Variants in RBFOX1 observed in about 807,000 individuals in gnomAD.
RBFOX1 encodes the protein RNA binding fox-1 homolog 1.
Under a neutral mutation model 57.7 loss-of-function variants are expected in RBFOX1, and 8 were observed. The observed-to-expected ratio is 0.14, with a 90% CI of 0.08 to 0.25. The LOEUF (loss-of-function observed/expected upper bound fraction) is 0.25. Ranked by LOEUF, RBFOX1 falls within the 10% of genes least tolerant of loss-of-function variation. RBFOX1 has a pLI of 1.00. For missense variants in RBFOX1, 611 were observed against 548.5 expected (o/e 1.11, Z -1.14); for synonymous variants, 326 against 222.4 (o/e 1.47, Z -4.15).
chr16:5,793,575 C>G (rs563217231), intron 3 of RBFOX1, among the ~76,000 whole-genome samples: 7 of 152,148 alleles, frequency 4.6e-5, no homozygotes, highest in African/African-American at 1.7e-4. Flanking sequence ...CCTCTTCAGC[C>G]CCCAGGCCCC....
chr16:7,423,982 A>T (rs1568818627), intron 4 of RBFOX1, among the ~76,000 whole-genome samples: 1 of 152,198 alleles, frequency 6.6e-6, no homozygotes, highest in Non-Finnish European at 1.5e-5. Flanking sequence ...AGCTAATAGG[A>T]TGGAGAACTA....
At chr16:7,111,280 G>C (rs2064712545) in intron 4 of RBFOX1, among the ~76,000 whole-genome samples, 2 of 152,130 alleles carry the variant, frequency 1.3e-5, no homozygotes, top group Non-Finnish European at 1.5e-5. Flanking sequence ...GTAAAGCTTT[G>C]CTTTTCTTCC....
chr16:7,004,936 G>A (rs1344029109), intron 3 of RBFOX1, among the ~76,000 whole-genome samples: 3 of 152,122 alleles, frequency 2.0e-5, no homozygotes, highest in African/African-American at 7.2e-5. Flanking sequence ...TTGAGGTCAG[G>A]AGTTCGAGAC....
intron 3 of RBFOX1, among the ~76,000 whole-genome samples, chr16:5,843,954 T>G (rs1048659821): frequency 6.6e-6 from 1 of 152,196 alleles, no homozygotes; most frequent in African/African-American, 2.4e-5. Flanking sequence ...TCAGAAGAGT[T>G]TCCCTAGAGG....
chr16:6,831,885 G>C (rs371865726), intron 3 of RBFOX1, among the ~76,000 whole-genome samples: 7 of 152,256 alleles, frequency 4.6e-5, no homozygotes, highest in African/African-American at 1.7e-4. Flanking sequence ...AAAGAAGTAG[G>C]AAAAGCAATG....
At chr16:5,365,741 G>C in intron 1 of RBFOX1, 1 of 444,378 alleles carries the variant, frequency 2.3e-6, no homozygotes, top group Non-Finnish European at 4.4e-6. Context: ...CTCTTGAGCA[G>C]TGGTCATTTA....
At chr16:6,949,564 G>A (rs2080263795) in intron 3 of RBFOX1, among the ~76,000 whole-genome samples, 2 of 127,690 alleles carry the variant, frequency 1.6e-5, no homozygotes, top group South Asian at 5.7e-4. Context: ...TCTTCGGGGT[G>A]TGTCCTCACT....
At chr16:5,766,605 A>G (rs1003939808) in intron 3 of RBFOX1, among the ~76,000 whole-genome samples, 4 of 152,078 alleles carry the variant, frequency 2.6e-5, no homozygotes, top group African/African-American at 9.7e-5. Context: ...CAAACAAACA[A>G]AATGAAAAAC....
In RBFOX1 at chr16:5,247,664, C is replaced by G. The variant is rs535915048; in HGVS notation, c.219+7559C>G. Reference sequence around the variant, plus strand: ...AGTGCATATTGTCTGTGGCTGCTTTCCTGCTACATTGGAGAGTTGAATAGT... The same window carrying G: ...AGTGCATATTGTCTGTGGCTGCTTTGCTGCTACATTGGAGAGTTGAATAGT... On this transcript the variant is annotated intron_variant, in intron 1 of 2. Coordinates refer to the RBFOX1 transcript ENST00000585867. 6.6e-5 allele frequency among the ~76,000 whole-genome samples: 10 copies of G among 152,342 alleles called. No individual in the cohort carries two copies. In the East Asian group the frequency reaches 1.9e-3, roughly 29 times the overall value.
chr16:6,774,664 T>C (rs1326451109), intron 3 of RBFOX1, among the ~76,000 whole-genome samples: 1 of 152,206 alleles, frequency 6.6e-6, no homozygotes, highest in Non-Finnish European at 1.5e-5. Flanking sequence ...ATATAGAGTA[T>C]TCTTGACAGT....
At chr16:5,487,754 AG>A (rs1567153000) in intron 2 of RBFOX1, among the ~76,000 whole-genome samples, 1 of 152,156 alleles carries the variant, frequency 6.6e-6, no homozygotes, top group East Asian at 1.9e-4. Flanking sequence ...GCTTGCCCTC[AG>A]TATGCTCTGC....
At chr16:5,931,421 G>C (rs1319592318) in intron 4 of RBFOX1, among the ~76,000 whole-genome samples, 1 of 152,150 alleles carries the variant, frequency 6.6e-6, no homozygotes, top group African/African-American at 2.4e-5. Context: ...GAGACTTAAA[G>C]TGGGAGAAAA....
chr16:5,632,921 C>G (rs972148356), intron 3 of RBFOX1, among the ~76,000 whole-genome samples: 3 of 147,838 alleles, frequency 2.0e-5, no homozygotes, highest in African/African-American at 7.5e-5. Context: ...GATTCCTGGG[C>G]TTGCAATCTT....
chr16:7,629,415 C>T (rs946152662), intron 10 of RBFOX1, among the ~76,000 whole-genome samples: 2 of 152,144 alleles, frequency 1.3e-5, no homozygotes, highest in African/African-American at 2.4e-5. Flanking sequence ...TCTGCGGGTG[C>T]ACTTGTAAGG....
At chr16:7,709,655 T>G (rs1171765464) in intron 15 of RBFOX1, 13 of 1,519,792 alleles carry the variant, frequency 8.6e-6, no homozygotes, top group East Asian at 7.5e-5. Flanking sequence ...GGGGCACACT[T>G]TGTGTGTGTA....
chr16:6,071,951 A>G (rs1469388640), intron 1 of RBFOX1, among the ~76,000 whole-genome samples: 2 of 152,204 alleles, frequency 1.3e-5, no homozygotes, highest in Non-Finnish European at 2.9e-5. Flanking sequence ...CATTGTATGT[A>G]TACACGACAT....
chr16:6,077,745 C>G (rs537300259), intron 1 of RBFOX1, among the ~76,000 whole-genome samples: 21 of 133,600 alleles, frequency 1.6e-4, no homozygotes, highest in Admixed American at 6.9e-4. Flanking sequence ...GAGTTTGGGT[C>G]TTGCTCTGTC....
rs13332887 is a variant in RBFOX1 at position 7,011,800 on chromosome 16, C to T, written c.-15-40257C>T. 2.6e-3 allele frequency among the ~76,000 whole-genome samples: 392 copies of T among 152,290 alleles called. 3 individuals carry two copies. Among genetic ancestry groups the T allele is most frequent in the African/African-American group, 8.8e-3 (365 of 41,548 alleles). ...AAGTGCTGGGATTACAGGCGTGAGC[C>T]GCCGCACCGTGCCCCAAGTTGTTTT... is the stretch of plus-strand genomic sequence containing the variant. On this transcript the variant is annotated intron_variant, in intron 3 of 15. Coordinates refer to ENST00000550418, the MANE Select transcript of RBFOX1 (RefSeq NM_018723.4).
At chr16:6,627,537 T>A (rs1488311814) in intron 2 of RBFOX1, among the ~76,000 whole-genome samples, 1 of 152,158 alleles carries the variant, frequency 6.6e-6, no homozygotes, top group East Asian at 1.9e-4. Flanking sequence ...TGAGTAAGTC[T>A]CTAGGTCTCA....
Sources: allele counts gnomAD v4.1 joint callset (sites outside exome capture counted in the v4.1 genomes callset), GRCh38; gene constraint gnomAD v4.1.1; transcripts MANE v1.5; gene names NCBI Gene and HGNC (gene_info 2026-07-23, HGNC 2026-07-21).